RNF43: variants seen among roughly 807,000 people sequenced by gnomAD.
The protein encoded by RNF43 is ring finger protein 43, also known as E3 ubiquitin-protein ligase RNF43.
Under a neutral mutation model 78.4 loss-of-function variants are expected in RNF43, and 37 were observed. The observed-to-expected ratio is 0.47, with a 90% CI of 0.36 to 0.62. The LOEUF (loss-of-function observed/expected upper bound fraction) is 0.62, where lower values mean the gene tolerates loss of function less well. Among genes scored for constraint, RNF43 ranks in the 20% least tolerant of loss-of-function variants. The pLI is 0.00. For synonymous variants in RNF43, 347 were observed against 395.0 expected (o/e 0.88, Z 1.44); for missense variants, 774 against 1,007.9 (o/e 0.77, Z 3.14).
At chr17:58,378,945 G>A (rs745750056) in intron 2 of RNF43, among the ~76,000 whole-genome samples, 2 of 152,214 alleles carry the variant, frequency 1.3e-5, no homozygotes, top group African/African-American at 4.8e-5. Flanking sequence ...GTAGTTTATA[G>A]AAGAGATGTA....
At chr17:58,359,506 A>G (rs1195189060) in intron 8 of RNF43, among the ~76,000 whole-genome samples, 1 of 151,922 alleles carries the variant, frequency 6.6e-6, no homozygotes, top group East Asian at 1.9e-4. Flanking sequence ...CCGGAGGCTG[A>G]GGCAGGAGAA....
At chr17:58,385,888 C>A (rs1027428708) in intron 2 of RNF43, among the ~76,000 whole-genome samples, 1 of 152,104 alleles carries the variant, frequency 6.6e-6, no homozygotes, top group Admixed American at 6.5e-5. Context: ...GGGTGAATTA[C>A]TTGAGTTCAC....
chr17:58,362,474 T>G, intron 6 of RNF43, 70 bp downstream of exon 6: 1 of 1,140,644 alleles, frequency 8.8e-7, no homozygotes, highest in Non-Finnish European at 1.3e-6. Flanking sequence ...ACGTACTCCT[T>G]CCTTCTCCCT....
At chr17:58,368,846 C>A (rs969237364) in intron 3 of RNF43, among the ~76,000 whole-genome samples, 5 of 151,962 alleles carry the variant, frequency 3.3e-5, no homozygotes, top group African/African-American at 1.2e-4. Flanking sequence ...AAAACAAAAC[C>A]AAGTACTTGA....
chr17:58,360,761 T>C lies in RNF43; in HGVS notation c.849+22A>G. 6.3e-7 allele frequency: 1 copy of C among 1,585,748 alleles called. No homozygotes were observed. The highest frequency in any genetic ancestry group is 8.6e-7 in the Non-Finnish European group (1 of 1,165,830). On this transcript the variant is annotated intron_variant, in intron 7 of 9. Coordinates refer to ENST00000407977, the MANE Select transcript of RNF43 (RefSeq NM_017763.6). The surrounding 1 kb of genome is among the most constrained non-coding windows in gnomAD (Gnocchi z 4.3). Reference sequence around the variant, plus strand: ...AATCTCCCCAGTCTGGTCATGGAGGTGAACCACAAGACCTGCCTTACCTGC... The same window carrying C: ...AATCTCCCCAGTCTGGTCATGGAGGCGAACCACAAGACCTGCCTTACCTGC...
chr17:58,385,969 G>A (rs1412140870), intron 2 of RNF43, among the ~76,000 whole-genome samples: 1 of 152,058 alleles, frequency 6.6e-6, no homozygotes, highest in Non-Finnish European at 1.5e-5. Context: ...AATTAGCTGG[G>A]CACACTAGCA....
intron 2 of RNF43, 106 bp from the exon 3 acceptor site, chr17:58,371,139 T>G: frequency 1.7e-6 from 2 of 1,184,580 alleles, no homozygotes; most frequent in Non-Finnish European, 1.2e-6. Flanking sequence ...GGCAGGTCTC[T>G]TGGTGCTGTA....
chr17:58,372,926 A>G (rs958518487), intron 2 of RNF43, among the ~76,000 whole-genome samples: 11 of 152,206 alleles, frequency 7.2e-5, no homozygotes, highest in African/African-American at 2.7e-4. Flanking sequence ...GAGGTCTGGC[A>G]CGAAAGGGAA....
chr17:58,373,236 T>G (rs2143527595), intron 2 of RNF43, among the ~76,000 whole-genome samples: 1 of 152,284 alleles, frequency 6.6e-6, no homozygotes, highest in African/African-American at 2.4e-5. Flanking sequence ...GGAAAGTCAC[T>G]TTGGAGAAGT....
intron 3 of RNF43, among the ~76,000 whole-genome samples, chr17:58,370,458 A>G (rs1189334632): frequency 6.6e-6 from 1 of 152,212 alleles, no homozygotes; most frequent in Non-Finnish European, 1.5e-5. Flanking sequence ...TAAACACAAC[A>G]TGTCTGCAAG....
At chr17:58,393,426 T>C (rs549540964) in intron 2 of RNF43, among the ~76,000 whole-genome samples, 1 of 152,280 alleles carries the variant, frequency 6.6e-6, no homozygotes, top group Admixed American at 6.5e-5. Flanking sequence ...AATTCTCTTA[T>C]GATTTTCTTA....
intron 2 of RNF43, among the ~76,000 whole-genome samples, chr17:58,380,818 T>G (rs1598148651): frequency 6.6e-6 from 1 of 152,212 alleles, no homozygotes; most frequent in Admixed American, 6.5e-5. Flanking sequence ...CTTTCAGGCT[T>G]AGTCTCCTGC....
chr17:58,374,541 C>T (rs1299904162), intron 2 of RNF43, among the ~76,000 whole-genome samples: 14 of 152,006 alleles, frequency 9.2e-5, no homozygotes, highest in African/African-American at 2.9e-4. Flanking sequence ...TACAGGCGCC[C>T]GCCACCATGT....
At chr17:58,374,629 G>C (rs955232329) in intron 2 of RNF43, among the ~76,000 whole-genome samples, 14 of 152,088 alleles carry the variant, frequency 9.2e-5, no homozygotes, top group Non-Finnish European at 1.6e-4. Context: ...CTGACCTCAT[G>C]ATCTGCCTGC....
intron 2 of RNF43, among the ~76,000 whole-genome samples, chr17:58,382,712 G>A (rs1044433004): frequency 6.6e-6 from 1 of 152,198 alleles, no homozygotes; most frequent in East Asian, 1.9e-4. Context: ...CCAAAGGAAC[G>A]AGTCCCGGTC....
intron 3 of RNF43, 86 bp downstream of exon 3, chr17:58,370,825 A>T (rs1337658033): frequency 1.5e-6 from 2 of 1,374,380 alleles, no homozygotes; most frequent in Non-Finnish European, 1.9e-6. Context: ...CTCTTAGGAA[A>T]CATGGGGACA....
intron 3 of RNF43, among the ~76,000 whole-genome samples, chr17:58,366,365 G>C (rs1972949573): frequency 6.6e-6 from 1 of 152,180 alleles, no homozygotes; most frequent in South Asian, 2.1e-4. Context: ...CCACGCACCA[G>C]GTGCGTCCCT....
rs765811705 is a variant in RNF43, at chr17:58,363,571, A to G, written c.405T>C (p.Ser135=). The change falls in exon 4 of 10, where the codon AGT becomes AGC. Residue 135 remains serine (S), a synonymous_variant. Transcript: ENST00000407977. ...CCTCAGTGATGTCAAAGAGGACAGC[A>G]CTGGCTCCTCGCTCACCCGCCATCC... ...KARMAGERGA[S]AVLFDITEDR... 8.1e-6 allele frequency: 13 copies of G among 1,612,438 alleles called. No individual in the cohort carries two copies. Among genetic ancestry groups the G allele is most frequent in the Admixed American group, 3.3e-5 (2 of 59,940 alleles).
chr17:58,398,850 G>A (rs1445771690), intron 2 of RNF43, among the ~76,000 whole-genome samples: 1 of 152,152 alleles, frequency 6.6e-6, no homozygotes, highest in Non-Finnish European at 1.5e-5. Flanking sequence ...GTTTATCCTT[G>A]TCTTTCTTTC....
Sources: allele counts gnomAD v4.1 joint callset (sites outside exome capture counted in the v4.1 genomes callset), GRCh38; gene constraint gnomAD v4.1.1; non-coding constraint Gnocchi (gnomAD v3.1); transcripts MANE v1.5; gene names NCBI Gene and HGNC (gene_info 2026-07-23, HGNC 2026-07-21).